Variants in USP4 observed in about 807,000 individuals in gnomAD.
USP4 encodes ubiquitin specific peptidase 4.
Under a neutral mutation model 118.2 loss-of-function variants are expected in USP4, and 72 were observed. The ratio of observed to expected loss-of-function variants is 0.61; its 90% confidence interval spans 0.50 to 0.74. The LOEUF (loss-of-function observed/expected upper bound fraction) is 0.74. Among genes scored for constraint, USP4 ranks in the 30% least tolerant of loss-of-function variants. The pLI, the probability that USP4 is intolerant of heterozygous loss-of-function variation, is 0.00. For synonymous variants in USP4, 415 were observed against 440.4 expected (o/e 0.94, Z 0.72); for missense variants, 1,037 against 1,185.7 (o/e 0.87, Z 1.84).
At chr3:49,282,036 A>C (rs112197449) in intron 19 of USP4, among the ~76,000 whole-genome samples, 5,888 of 151,934 alleles carry the variant, frequency 0.039, 238 homozygotes, top group African/African-American at 0.1. Flanking sequence ...AAAACAAAAA[A>C]AACAACAACA....
chr3:49,319,318 G>A (rs1007183267), intron 6 of USP4, among the ~76,000 whole-genome samples: 5 of 150,756 alleles, frequency 3.3e-5, no homozygotes, highest in East Asian at 2.0e-4. Context: ...GCGCGATCTC[G>A]GCTGACCGCA....
At chr3:49,328,814 AC>A (rs2047584115) in intron 2 of USP4, among the ~76,000 whole-genome samples, 1 of 151,708 alleles carries the variant, frequency 6.6e-6, no homozygotes, top group African/African-American at 2.4e-5. Flanking sequence ...GAGCCGAGAT[AC>A]CCCACTGTAC....
At position 49,278,823 on chromosome 3, in the gene USP4, ATCC is replaced by A; in HGVS notation, c.2721_2723del (p.Glu907del). ...ATCATGGCCTACTCACCACTATCTG[ATCC>A]TCAGAGGCCAGGGACACGTTGCTAT... On this transcript the variant is annotated inframe_deletion, in exon 21 of 22. Transcript: ENST00000265560. 1 of 1,609,372 alleles carries A rather than the reference ATCC, an allele frequency of 6.2e-7. No homozygotes were observed. The highest frequency in any genetic ancestry group is 1.1e-5 in the South Asian group (1 of 90,284).
Position 49,284,460 on chromosome 3 carries a change from G to A in USP4, c.2390+6C>T. The A allele has an allele frequency of 1.9e-6, 3 of 1,610,080 alleles. No individual in the cohort carries two copies. The highest frequency in any genetic ancestry group is 1.1e-5 in the South Asian group (1 of 90,978). ...GCCTCTGCCCAGACAGTGAGGAGCTGCGTACCAGGGGTCATGCTCCCCAAG... is the reference window on the plus strand; with the variant it reads ...GCCTCTGCCCAGACAGTGAGGAGCTACGTACCAGGGGTCATGCTCCCCAAG... On this transcript the variant is annotated splice_donor_region_variant and intron_variant, in intron 18 of 21. Transcript: ENST00000265560.
intron 6 of USP4, chr3:49,317,426 T>C (rs1559475869): frequency 4.2e-6 from 4 of 954,110 alleles, no homozygotes; most frequent in South Asian, 2.8e-5. Flanking sequence ...ACCAGCTTGT[T>C]GTCGTAGTTC....
intron 1 of USP4, among the ~76,000 whole-genome samples, chr3:49,337,898 T>C (rs148384199): frequency 0.012 from 1,831 of 151,494 alleles, 27 homozygotes; most frequent in African/African-American, 0.037. Context: ...ATACAAACAT[T>C]AGCGGGGCAT....
At chr3:49,278,553 CCA>C in intron 21 of USP4, 102 bp from the exon 22 acceptor site, 4 of 1,411,586 alleles carry the variant, frequency 2.8e-6, no homozygotes, top group East Asian at 2.3e-5. Flanking sequence ...TCTGCCATAT[CCA>C]CACAGAGGAG....
rs1345078203 is a variant in USP4 at position 49,277,505 on chromosome 3, A to C, written c.*788T>G. 1 of 210,378 alleles carries C rather than the reference A, an allele frequency of 4.8e-6. No individual in the cohort carries two copies. Among genetic ancestry groups the C allele is most frequent in the Non-Finnish European group, 9.9e-6 (1 of 100,514 alleles). The allele number at this position is 210,378 out of a possible 1,614,324, so 13.0% of individuals were successfully genotyped here. ...CCTTTCCCGGCTAACTCCCACAAAG[A>C]TTTCTGTTCTCAAGCCAACATGGAA... On this transcript the variant is annotated 3_prime_UTR_variant, in exon 22 of 22. Coordinates refer to ENST00000265560, the MANE Select transcript of USP4 (RefSeq NM_003363.4).
At chr3:49,300,235 C>T (rs1324031680) in intron 11 of USP4, among the ~76,000 whole-genome samples, 5 of 151,338 alleles carry the variant, frequency 3.3e-5, no homozygotes, top group Admixed American at 6.6e-5. Flanking sequence ...AACAGAGCGA[C>T]TCTGTCTCAA....
chr3:49,334,949 A>G (rs1291825602), intron 2 of USP4, among the ~76,000 whole-genome samples: 1 of 152,186 alleles, frequency 6.6e-6, no homozygotes, highest in African/African-American at 2.4e-5. Context: ...AGCAAGCTCT[A>G]GTGTGTTACA....
At chr3:49,292,427 C>G (rs1044791739) in intron 15 of USP4, 83 bp downstream of exon 15, 58 of 912,808 alleles carry the variant, frequency 6.4e-5, no homozygotes, top group Non-Finnish European at 8.9e-5. Flanking sequence ...CCCCCTTCTC[C>G]CATGTGTGTA....
chr3:49,281,472 A>G (rs1464507676), intron 19 of USP4, among the ~76,000 whole-genome samples: 2 of 120,094 alleles, frequency 1.7e-5, no homozygotes, highest in Admixed American at 8.5e-5. Flanking sequence ...GAAAAAAAGT[A>G]TGTGTATATA....
At position 49,283,327 on chromosome 3, in the gene USP4, A is replaced by G. The variant is rs369800210; in HGVS notation, c.2540+660T>C. On this transcript the variant is annotated intron_variant, in intron 19 of 21. Transcript: ENST00000265560. ...CCGTGCCCAGCCTATTTTTTTAAAT[A>G]TATTTTTTATTTTTTGTAGAGAGGA... Among the ~76,000 whole-genome samples, 18 of 151,392 alleles carry G rather than the reference A, an allele frequency of 1.2e-4. No individual in the cohort carries two copies. The East Asian group carries it at 2.5e-3, about 21-fold the overall frequency.
At chr3:49,317,200 G>A in intron 6 of USP4, 1 of 1,494,034 alleles carries the variant, frequency 6.7e-7, no homozygotes, top group Non-Finnish European at 9.3e-7. Flanking sequence ...CTTGAGGTAG[G>A]TGGCCTCCGT....
chr3:49,325,116 A>G (rs1479711936), intron 4 of USP4, 77 bp from the exon 5 acceptor site: 1 of 1,543,666 alleles, frequency 6.5e-7, no homozygotes, highest in Admixed American at 1.9e-5. Context: ...ACTAATGCTC[A>G]TCCTCTTTCT....
At chr3:49,312,611 A>G (rs1486252909) in intron 6 of USP4, 1 of 370,554 alleles carries the variant, frequency 2.7e-6, no homozygotes, top group Admixed American at 3.4e-5. Context: ...AAAGAACGAA[A>G]CTCTGTCTCA....
chr3:49,337,924 T>C (rs1312336616), intron 1 of USP4, among the ~76,000 whole-genome samples: 1 of 151,332 alleles, frequency 6.6e-6, no homozygotes, highest in Non-Finnish European at 1.5e-5. Flanking sequence ...TGCATGCCTA[T>C]AATCCCAGCT....
chr3:49,339,839 C>T (rs1413352889), intron 1 of USP4, 85 bp downstream of exon 1: 8 of 1,130,324 alleles, frequency 7.1e-6, no homozygotes, highest in Admixed American at 2.0e-5. Flanking sequence ...CATCCCCGCC[C>T]AGCCCCTACT....
At chr3:49,298,711 A>C in intron 11 of USP4, 76 bp from the exon 12 acceptor site, 1 of 1,308,074 alleles carries the variant, frequency 7.6e-7, no homozygotes, top group Non-Finnish European at 1.1e-6. Flanking sequence ...AGCAGGCATC[A>C]CTAGGGGCAG....
Sources: allele counts gnomAD v4.1 joint callset (sites outside exome capture counted in the v4.1 genomes callset), GRCh38; gene constraint gnomAD v4.1.1; transcripts MANE v1.5; gene names NCBI Gene and HGNC (gene_info 2026-07-23, HGNC 2026-07-21).